The following BMP5 variants were observed in gnomAD, a reference collection of about 807,000 sequenced individuals.
BMP5 encodes bone morphogenetic protein 5.
A neutral mutation model predicts 46.6 loss-of-function variants in BMP5; 23 were observed. The ratio of observed to expected loss-of-function variants is 0.49; its 90% CI spans 0.35 to 0.70. BMP5 has a LOEUF of 0.70. Among genes scored for constraint, BMP5 ranks in the 30% least tolerant of loss-of-function variants. The pLI is 0.00. For synonymous variants in BMP5, 204 were observed against 191.9 expected (o/e 1.06, Z -0.52); for missense variants, 545 against 565.6 (o/e 0.96, Z 0.37).
At chr6:55,816,503 T>C (rs758760822) in intron 2 of BMP5, among the ~76,000 whole-genome samples, 3 of 152,120 alleles carry the variant, frequency 2.0e-5, no homozygotes, top group Non-Finnish European at 4.4e-5. Flanking sequence ...TGCCTGGCCC[T>C]ATAAGAAAAT....
chr6:55,756,361 G>A lies in BMP5; in HGVS notation c.1216-679C>T, dbSNP rs534435813. Among the ~76,000 whole-genome samples the A allele has an allele frequency of 4.6e-5, 7 of 151,860 alleles. No homozygotes were observed. In the East Asian group the frequency reaches 1.4e-3, roughly 30 times the overall value. ...AGGCTAAGCTAAATCAGAAGCAAAG[G>A]GCCTAGAGACTTTACAAATGAACAT... On this transcript the variant is annotated intron_variant, in intron 6 of 6. Coordinates refer to ENST00000370830, the MANE Select transcript of BMP5 (RefSeq NM_021073.4).
rs549839357 is a variant in BMP5 at position 55,808,261 on chromosome 6, C to T, written c.683+11394G>A. Among the ~76,000 whole-genome samples, 7 of 152,296 alleles carry T rather than the reference C, an allele frequency of 4.6e-5. No individual in the cohort carries two copies. In the East Asian group the frequency reaches 1.4e-3, roughly 29 times the overall value. On this transcript the variant is annotated intron_variant, in intron 2 of 6. Transcript: ENST00000370830. ...CAGGCCTGAAGAGGCACTCTGTCCA[C>T]AGTATGCCACAGCTGATGTGTTTGG...
chr6:55,754,860 T>C lies in BMP5; in HGVS notation c.*673A>G, dbSNP rs987389666. ...GGCTCAAGCCTGTCTCCTGAAGCTT[T>C]GAGCTCTTTGCAAAATCTACAATCC... On this transcript the variant is annotated 3_prime_UTR_variant, in exon 7 of 7. Coordinates refer to ENST00000370830, the MANE Select transcript of BMP5 (RefSeq NM_021073.4). 1 of 152,060 alleles carries C rather than the reference T, an allele frequency of 6.6e-6. No homozygotes were observed. Among genetic ancestry groups the C allele is most frequent in the African/African-American group, 2.4e-5 (1 of 41,442 alleles). The allele number at this position is 152,060 out of a possible 1,614,324, so 9.4% of individuals were successfully genotyped here. A position where few individuals can be genotyped will look rare whatever the true frequency, so the allele number is the denominator to read the frequency against.
intron 1 of BMP5, among the ~76,000 whole-genome samples, chr6:55,871,535 A>G (rs1296303593): frequency 3.3e-5 from 5 of 151,968 alleles, no homozygotes; most frequent in Middle Eastern, 3.4e-3. Context: ...TTTACTTTTT[A>G]TTTTGCTTTT....
At chr6:55,811,226 A>G (rs1209955366) in intron 2 of BMP5, among the ~76,000 whole-genome samples, 1 of 152,200 alleles carries the variant, frequency 6.6e-6, no homozygotes, top group Non-Finnish European at 1.5e-5. Context: ...TGATGTAAAT[A>G]TGAAGCTGAC....
intron 1 of BMP5, among the ~76,000 whole-genome samples, chr6:55,850,088 C>A (rs1017549660): frequency 2.6e-5 from 4 of 152,090 alleles, no homozygotes; most frequent in Non-Finnish European, 5.9e-5. Flanking sequence ...TAATACATCA[C>A]CTTTCCTTGA....
chr6:55,774,025 A>C (rs1219218530), intron 4 of BMP5, 24 bp downstream of exon 4: 1 of 1,609,902 alleles, frequency 6.2e-7, no homozygotes, highest in South Asian at 1.1e-5. Flanking sequence ...TCTGTGCATA[A>C]CTGCTGCTCG....
At chr6:55,852,571 A>C (rs1339254741) in intron 1 of BMP5, among the ~76,000 whole-genome samples, 1 of 152,020 alleles carries the variant, frequency 6.6e-6, no homozygotes, top group Non-Finnish European at 1.5e-5. Flanking sequence ...AGTGCTCTTT[A>C]CATAGAAGAA....
intron 1 of BMP5, among the ~76,000 whole-genome samples, chr6:55,847,355 T>C: frequency 6.6e-6 from 1 of 151,908 alleles, no homozygotes; most frequent in East Asian, 1.9e-4. Context: ...GAGACAAAAC[T>C]TGTATGCAAT....
chr6:55,784,960 A>G (rs1449460743), intron 3 of BMP5, among the ~76,000 whole-genome samples: 1 of 151,810 alleles, frequency 6.6e-6, no homozygotes. Context: ...CGTGTACAAA[A>G]TGGGTTAAGA....
intron 2 of BMP5, among the ~76,000 whole-genome samples, chr6:55,807,480 G>A (rs1025476073): frequency 6.6e-6 from 1 of 152,178 alleles, no homozygotes; most frequent in Non-Finnish European, 1.5e-5. Context: ...TTTTATTGAG[G>A]ATTTTCACAT....
At chr6:55,852,208 A>T (rs1205790285) in intron 1 of BMP5, among the ~76,000 whole-genome samples, 1 of 152,068 alleles carries the variant, frequency 6.6e-6, no homozygotes, top group Admixed American at 6.6e-5. Flanking sequence ...ATGTACATTA[A>T]AATTTGGTAG....
rs572543183 is a variant in BMP5 at position 55,816,119 on chromosome 6, C to A, written c.683+3536G>T. Among the ~76,000 whole-genome samples, 11 of 151,858 alleles carry A rather than the reference C, an allele frequency of 7.2e-5. No homozygotes were observed. The South Asian group carries it at 2.1e-3, about 29-fold the overall frequency. Reference sequence around the variant, plus strand: ...AAAAAAATGCTTAGGATATAAATAACCAACTATAAACTCAACATACATAAA... The same window carrying A: ...AAAAAAATGCTTAGGATATAAATAAACAACTATAAACTCAACATACATAAA... On this transcript the variant is annotated intron_variant, in intron 2 of 6. Transcript: ENST00000370830.
chr6:55,819,880 A>T, intron 1 of BMP5, 33 bp from the exon 2 acceptor site: 4 of 1,540,540 alleles, frequency 2.6e-6, no homozygotes, highest in South Asian at 1.1e-5. Flanking sequence ...GGGGGAAAAA[A>T]GTTAGTCTTT....
At position 55,759,172 on chromosome 6, in the gene BMP5, A is replaced by AAAAAAAAAAAAAAAAAAAC. The variant is rs1562023483; in HGVS notation, c.1105-58_1105-57insGTTTTTTTTTTTTTTTTTT. On this transcript the variant is annotated intron_variant, in intron 5 of 6. Transcript: ENST00000370830. ...AAAAAAAAAAAAAAAAAAAAAAAAA[A>AAAAAAAAAAAAAAAAAAAC]AAAAAAAAAAACAACAAGAAAAAAT... is the stretch of plus-strand genomic sequence containing the variant. 15 of 738,844 alleles carry AAAAAAAAAAAAAAAAAAAC rather than the reference A, an allele frequency of 2.0e-5. 1 individual carries two copies. The highest frequency in any genetic ancestry group is 7.2e-5 in the East Asian group (2 of 27,894). The allele number at this position is 738,844 out of a possible 1,614,324, so 45.8% of individuals were successfully genotyped here.
At position 55,768,647 on chromosome 6, in the gene BMP5, G is replaced by T. The variant is rs148535279; in HGVS notation, c.1027+5402C>A. ...CTTGCCCTACGAAATCACCATGGAT[G>T]TAGGCAGGGCCACTACATGATTGGA... is the stretch of plus-strand genomic sequence containing the variant. On this transcript the variant is annotated intron_variant, in intron 4 of 6. Transcript: ENST00000370830. 1.3e-3 allele frequency among the ~76,000 whole-genome samples: 196 copies of T among 152,060 alleles called. 1 individual carries two copies. The highest frequency in any genetic ancestry group is 4.6e-3 in the African/African-American group (190 of 41,540).
chr6:55,806,600 G>A (rs1205377238), intron 2 of BMP5, among the ~76,000 whole-genome samples: 3 of 152,144 alleles, frequency 2.0e-5, no homozygotes, highest in African/African-American at 7.2e-5. Context: ...TTCTAATTCT[G>A]TGGGGAATGC....
Position 55,786,238 on chromosome 6 carries a change from T to A in BMP5, c.832+8041A>T, listed in dbSNP as rs190668535. Among the ~76,000 whole-genome samples the A allele has an allele frequency of 1.7e-4, 26 of 151,742 alleles. No homozygotes were observed. The East Asian group carries it at 5.0e-3, about 29-fold the overall frequency. The stretch of plus-strand genomic sequence containing the variant: ...CACTGTACCCTCTCTACATATAGTG[T>A]TTTTTTATACATGAATATAATGCTT... On this transcript the variant is annotated intron_variant, in intron 3 of 6. Coordinates refer to ENST00000370830, the MANE Select transcript of BMP5 (RefSeq NM_021073.4).
intron 2 of BMP5, among the ~76,000 whole-genome samples, chr6:55,814,288 T>G (rs934477260): frequency 6.6e-6 from 1 of 152,104 alleles, no homozygotes; most frequent in African/African-American, 2.4e-5. Context: ...TAAAAAACAA[T>G]TTTTTGCCAT....
Sources: gnomAD v4.1 joint callset for allele counts (sites outside exome capture counted in the v4.1 genomes callset) on GRCh38, gnomAD v4.1.1 for gene constraint, MANE v1.5 for transcripts, NCBI Gene and HGNC (gene_info 2026-07-23, HGNC 2026-07-21) for gene names.